The following LRBA variants were observed in gnomAD, a reference collection of about 807,000 sequenced individuals.
The protein encoded by LRBA is LPS responsive beige-like anchor protein.
LRBA carries 176 observed loss-of-function variants against 330.0 expected under a neutral mutation model. That is an observed-to-expected ratio of 0.53 (90% CI 0.47 to 0.60). The LOEUF (loss-of-function observed/expected upper bound fraction) is 0.60, where lower values mean the gene tolerates loss of function less well. Among genes scored for constraint, LRBA ranks in the 20% least tolerant of loss-of-function variants. The probability of loss-of-function intolerance (pLI) is 0.00; values close to 1 mark genes in which losing one functional copy is unlikely to be tolerated. For synonymous variants in LRBA, 1,230 were observed against 1,193.0 expected, an observed-to-expected ratio of 1.03 and a Z score of -0.64; for missense variants, 3,259 against 3,444.8, an observed-to-expected ratio of 0.95 and a Z score of 1.35.
intron 2 of LRBA, among the ~76,000 whole-genome samples, chr4:150,954,334 A>C (rs1472074134): frequency 1.3e-5 from 2 of 152,214 alleles, no homozygotes; most frequent in African/African-American, 2.4e-5. Context: ...AAAGGGGGAA[A>C]TGTGGGGAAA....
chr4:150,866,553 T>A (rs1752715115), intron 22 of LRBA, among the ~76,000 whole-genome samples: 1 of 152,230 alleles, frequency 6.6e-6, no homozygotes, highest in Admixed American at 6.5e-5. Flanking sequence ...ACTGATACAC[T>A]ACTTTAGAAT....
chr4:150,380,914 G>A (rs1026168580), intron 47 of LRBA, among the ~76,000 whole-genome samples: 10 of 148,190 alleles, frequency 6.7e-5, no homozygotes, highest in Non-Finnish European at 1.3e-4. Context: ...CTGGGGAGGC[G>A]GGGGTTGCAG....
intron 47 of LRBA, among the ~76,000 whole-genome samples, chr4:150,356,705 T>C (rs547561450): frequency 6.6e-6 from 1 of 152,078 alleles, no homozygotes; most frequent in East Asian, 1.9e-4. Context: ...TTCACTAATT[T>C]AAAGATTACA....
At chr4:150,549,451 C>T (rs975704053) in intron 40 of LRBA, among the ~76,000 whole-genome samples, 7 of 152,026 alleles carry the variant, frequency 4.6e-5, no homozygotes, top group African/African-American at 1.7e-4. Context: ...CCTGCCTCAG[C>T]CTCCCGAGTA....
intron 40 of LRBA, among the ~76,000 whole-genome samples, chr4:150,535,958 G>A (rs935387298): frequency 6.6e-6 from 1 of 152,018 alleles, no homozygotes; most frequent in Non-Finnish European, 1.5e-5. Flanking sequence ...ATCAACTATA[G>A]TTCACCTAAA....
chr4:150,304,041 ATGTCTACCC>A (rs995433149), intron 52 of LRBA, among the ~76,000 whole-genome samples: 1 of 152,156 alleles, frequency 6.6e-6, no homozygotes, highest in Non-Finnish European at 1.5e-5. Context: ...ATGCCATACA[ATGTCTACCC>A]TTAATATTCA....
intron 45 of LRBA, among the ~76,000 whole-genome samples, chr4:150,436,113 CTTAG>C (rs565289876): frequency 1.6e-4 from 24 of 152,218 alleles, no homozygotes; most frequent in African/African-American, 4.8e-4. Flanking sequence ...AAAGCCTCCT[CTTAG>C]TTAAAGAACA....
chr4:150,365,238 C>A (rs187684223), intron 47 of LRBA, among the ~76,000 whole-genome samples: 187 of 152,168 alleles, frequency 1.2e-3, no homozygotes, highest in African/African-American at 4.4e-3. Context: ...AACTCCTGGA[C>A]TCAAGCAATC....
intron 51 of LRBA, among the ~76,000 whole-genome samples, chr4:150,313,310 A>C (rs1056310648): frequency 6.6e-6 from 1 of 152,190 alleles, no homozygotes; most frequent in African/African-American, 2.4e-5. Flanking sequence ...ATTCTACTGG[A>C]TATATTAAAA....
chr4:150,282,354 C>A, intron 55 of LRBA, 96 bp downstream of exon 55: 1 of 1,138,738 alleles, frequency 8.8e-7, no homozygotes, highest in Non-Finnish European at 1.3e-6. Flanking sequence ...CTCGGCAATC[C>A]AAAAATAGAG....
intron 2 of LRBA, among the ~76,000 whole-genome samples, chr4:150,987,089 T>TATCTTATGTAAATCATA (rs1192200875): frequency 6.6e-6 from 1 of 152,210 alleles, no homozygotes; most frequent in Non-Finnish European, 1.5e-5. Context: ...TTTTCATGTC[T>TATCTTATGTAAATCATA]TCAGATTTAC....
intron 52 of LRBA, among the ~76,000 whole-genome samples, chr4:150,305,345 G>A (rs1730221584): frequency 6.6e-6 from 1 of 152,176 alleles, no homozygotes. Context: ...GTCAGTGTAA[G>A]GAAACATACA....
At chr4:150,713,168 T>G (rs2127046287) in intron 36 of LRBA, among the ~76,000 whole-genome samples, 1 of 152,178 alleles carries the variant, frequency 6.6e-6, no homozygotes, top group East Asian at 1.9e-4. Flanking sequence ...ACTGCTGGGG[T>G]CATGCAATCC....
chr4:150,625,878 T>C (rs1234198838), intron 37 of LRBA, among the ~76,000 whole-genome samples: 1 of 149,414 alleles, frequency 6.7e-6, no homozygotes, highest in Non-Finnish European at 1.5e-5. Context: ...CCCGGCTAAT[T>C]TTTGTATTTT....
Position 150,524,402 on chromosome 4 carries a change from A to T in LRBA, c.6331-33367T>A, listed in dbSNP as rs546870095. Among the ~76,000 whole-genome samples the T allele has an allele frequency of 7.2e-5, 11 of 152,294 alleles. No individual in the cohort carries two copies. In the South Asian group the frequency reaches 1.9e-3, roughly 26 times the overall value. On this transcript the variant is annotated intron_variant, in intron 40 of 56. Transcript: ENST00000651943. ...TTAATAAATGTGAACAGAAGAGTGG[A>T]GACAGGGTAATATAGCCAGGCTAAT...
In LRBA at chr4:150,683,719, T is replaced by C; in HGVS notation, c.5755-2A>G. 6.3e-7 allele frequency: 1 copy of C among 1,577,870 alleles called. No homozygotes were observed. The highest frequency in any genetic ancestry group is 8.6e-7 in the Non-Finnish European group (1 of 1,159,580). ...TGCAGAATACTGGGCACACAGTGAC[T>C]TGGAGAGAAAAAAAAATAATACTAT... is the stretch of plus-strand genomic sequence containing the variant. On this transcript the variant is annotated splice_acceptor_variant, in intron 36 of 56. Transcript: ENST00000651943. LOFTEE classifies it high-confidence loss of function.
chr4:150,697,163 A>G (rs1471565490), intron 36 of LRBA, among the ~76,000 whole-genome samples: 3 of 151,544 alleles, frequency 2.0e-5, no homozygotes, highest in South Asian at 2.1e-4. Context: ...CATCTCTACT[A>G]AAAATACAAA....
chr4:150,793,704 G>A (rs934920703), intron 34 of LRBA, among the ~76,000 whole-genome samples: 3 of 152,152 alleles, frequency 2.0e-5, no homozygotes, highest in Non-Finnish European at 2.9e-5. Flanking sequence ...ATTAACTATG[G>A]GTGAGTGTTC....
At chr4:150,497,786 A>G (rs1205647354) in intron 40 of LRBA, among the ~76,000 whole-genome samples, 2 of 152,226 alleles carry the variant, frequency 1.3e-5, no homozygotes, top group African/African-American at 2.4e-5. Context: ...AGGGGAGCCT[A>G]CAAACACACA....
Sources: allele counts gnomAD v4.1 joint callset (sites outside exome capture counted in the v4.1 genomes callset), GRCh38; gene constraint gnomAD v4.1.1; transcripts MANE v1.5; gene names NCBI Gene and HGNC (gene_info 2026-07-23, HGNC 2026-07-21).